PRKN: variants seen among roughly 807,000 people sequenced by gnomAD.
PRKN encodes the protein E3 ubiquitin-protein ligase parkin.
In PRKN, 56 loss-of-function variants were observed where a neutral mutation model predicts 59.5. That is an observed-to-expected ratio of 0.94 (90% CI 0.76 to 1.18). PRKN has a LOEUF of 1.18. PRKN is among the 50% of genes most tolerant of loss of function. PRKN has a pLI of 0.00. For synonymous variants in PRKN, 250 were observed against 222.1 expected, an observed-to-expected ratio of 1.13 and a Z score of -1.12; for missense variants, 657 against 596.4, an observed-to-expected ratio of 1.10 and a Z score of -1.06.
In PRKN at chr6:161,356,826, C is replaced by T. The variant is rs1025473927; in HGVS notation, c.1285+3262G>A. Reference sequence around the variant, plus strand: ...ATCAGTGGAGACACTAAGGAAGCAGCTGGCTATTGGAGTCGGACCGAGGGG... The same window carrying T: ...ATCAGTGGAGACACTAAGGAAGCAGTTGGCTATTGGAGTCGGACCGAGGGG... On this transcript the variant is annotated intron_variant, in intron 11 of 11. Coordinates refer to ENST00000366898, the MANE Select transcript of PRKN (RefSeq NM_004562.3). The surrounding 1 kb of genome is among the most constrained non-coding windows in gnomAD (Gnocchi z 7.8). Among the ~76,000 whole-genome samples, 1 of 152,062 alleles carries T rather than the reference C, an allele frequency of 6.6e-6. No individual in the cohort carries two copies. The highest frequency in any genetic ancestry group is 6.6e-5 in the Admixed American group (1 of 15,260).
chr6:162,086,272 A>C (rs1779243513), intron 4 of PRKN, among the ~76,000 whole-genome samples: 2 of 152,180 alleles, frequency 1.3e-5, no homozygotes. Context: ...CTCAAAACTT[A>C]GAGTCTCTGA....
intron 1 of PRKN, among the ~76,000 whole-genome samples, chr6:162,611,929 T>G (rs574002985): frequency 1.4e-3 from 212 of 152,138 alleles, no homozygotes; most frequent in Non-Finnish European, 2.8e-3. Context: ...CTCACGCCTG[T>G]AATCCCAGCA....
At chr6:162,337,032 T>C (rs1783876280) in intron 2 of PRKN, among the ~76,000 whole-genome samples, 1 of 152,220 alleles carries the variant, frequency 6.6e-6, no homozygotes, top group Admixed American at 6.5e-5. Context: ...TTTCAGTGAT[T>C]ATTTCTAAAG....
At position 161,371,474 on chromosome 6, in the gene PRKN, A is replaced by AC. The variant is rs146155919; in HGVS notation, c.1168-11270_1168-11269insG. ...GCCACTGCGCCCGGCCTATTTTGTT[A>AC]TTTTTTTTAAGAGAAATCATCAGAG... On this transcript the variant is annotated intron_variant, in intron 10 of 11. Transcript: ENST00000366898. This position sits in a 1 kb window ranked among gnomAD's most constrained non-coding sequence, Gnocchi z 5.5. 2.9e-5 allele frequency among the ~76,000 whole-genome samples: 4 copies of AC among 137,534 alleles called. No individual in the cohort carries two copies. The East Asian group carries it at 8.0e-4, about 28-fold the overall frequency. The allele number at this position is 137,534 out of a possible 152,430, so 90.2% of individuals were successfully genotyped here.
At chr6:162,477,853 A>G (rs1482908445) in intron 1 of PRKN, among the ~76,000 whole-genome samples, 2 of 151,938 alleles carry the variant, frequency 1.3e-5, no homozygotes, top group East Asian at 3.9e-4. Context: ...TTCAAATTAT[A>G]CCCGTCTTAC....
intron 1 of PRKN, among the ~76,000 whole-genome samples, chr6:162,529,779 G>T (rs756322916): frequency 1.1e-4 from 17 of 152,164 alleles, no homozygotes; most frequent in Non-Finnish European, 2.2e-4. Flanking sequence ...TAAGGGCAGG[G>T]TTTATGGTCA....
At chr6:162,554,636 G>C (rs77550103) in intron 1 of PRKN, among the ~76,000 whole-genome samples, 3 of 152,072 alleles carry the variant, frequency 2.0e-5, no homozygotes, top group Non-Finnish European at 2.9e-5. Context: ...AACACGGGGT[G>C]GGGGGAGCAC....
Position 161,498,131 on chromosome 6 carries a change from A to G in PRKN, c.1083+50723T>C, listed in dbSNP as rs1188681002. On this transcript the variant is annotated intron_variant, in intron 9 of 11. Transcript: ENST00000366898. This position sits in a 1 kb window ranked among gnomAD's most constrained non-coding sequence, Gnocchi z 4.2. ...TAGATTGGTTAAATTCACATGTGGG[A>G]AAAAAGACAAATTATTGTTAATCAA... 1.3e-5 allele frequency among the ~76,000 whole-genome samples: 2 copies of G among 152,272 alleles called. No homozygotes were observed. The highest frequency in any genetic ancestry group is 2.4e-5 in the African/African-American group (1 of 41,542).
At chr6:161,366,209 T>C (rs1193409638) in intron 10 of PRKN, among the ~76,000 whole-genome samples, 2 of 152,106 alleles carry the variant, frequency 1.3e-5, no homozygotes, top group East Asian at 3.9e-4. Flanking sequence ...ATGCCAGCAG[T>C]TTGCAGGAAG....
intron 6 of PRKN, among the ~76,000 whole-genome samples, chr6:161,938,751 C>A (rs1334804592): frequency 1.3e-4 from 20 of 152,108 alleles, no homozygotes; most frequent in Admixed American, 1.3e-3. Flanking sequence ...AAAATTAATG[C>A]AAATTATTTG....
At chr6:161,878,029 G>A (rs1178124231) in intron 6 of PRKN, among the ~76,000 whole-genome samples, 1 of 152,056 alleles carries the variant, frequency 6.6e-6, no homozygotes, top group African/African-American at 2.4e-5. Flanking sequence ...TTGAAGGGTG[G>A]GTCAGCCTCT....
At chr6:161,580,407 C>T (rs78740408) in intron 7 of PRKN, among the ~76,000 whole-genome samples, 2,339 of 152,248 alleles carry the variant, frequency 0.015, 30 homozygotes, top group Non-Finnish European at 0.024. Context: ...TAAGCAATTC[C>T]AGACAGTTAA....
chr6:161,961,578 T>C (rs1316656426), intron 6 of PRKN, among the ~76,000 whole-genome samples: 1 of 152,052 alleles, frequency 6.6e-6, no homozygotes, highest in Non-Finnish European at 1.5e-5. Flanking sequence ...GAACAAGAGG[T>C]GTTCACACCT....
At chr6:161,849,843 G>T (rs1446721977) in intron 6 of PRKN, among the ~76,000 whole-genome samples, 2 of 152,166 alleles carry the variant, frequency 1.3e-5, no homozygotes, top group African/African-American at 4.8e-5. Context: ...GATGTGCTTG[G>T]AACAGTCCAG....
At chr6:162,338,342 C>G (rs894615498) in intron 2 of PRKN, among the ~76,000 whole-genome samples, 1 of 152,044 alleles carries the variant, frequency 6.6e-6, no homozygotes, top group Non-Finnish European at 1.5e-5. Flanking sequence ...GCTGCCATCT[C>G]GGCTCACTGC....
intron 6 of PRKN, among the ~76,000 whole-genome samples, chr6:161,820,013 T>C (rs1791953816): frequency 6.6e-6 from 1 of 152,118 alleles, no homozygotes; most frequent in Non-Finnish European, 1.5e-5. Flanking sequence ...AAAGAGCTCT[T>C]ACAATTTAGT....
At position 161,499,239 on chromosome 6, in the gene PRKN, G is replaced by T. The variant is rs1034343089; in HGVS notation, c.1083+49615C>A. Among the ~76,000 whole-genome samples the T allele has an allele frequency of 1.3e-5, 2 of 151,684 alleles. No individual in the cohort carries two copies. The highest frequency in any genetic ancestry group is 2.9e-5 in the Non-Finnish European group (2 of 68,006). ...TGCATCCTAAACTTCCCTTGCTAAA[G>T]TGAAGAATGAGGACACCCTGGGCCT... On this transcript the variant is annotated intron_variant, in intron 9 of 11. Transcript: ENST00000366898. This position sits in a 1 kb window ranked among gnomAD's most constrained non-coding sequence, Gnocchi z 4.2.
At chr6:161,901,321 A>G (rs1777908731) in intron 6 of PRKN, among the ~76,000 whole-genome samples, 1 of 152,162 alleles carries the variant, frequency 6.6e-6, no homozygotes, top group Non-Finnish European at 1.5e-5. Context: ...GAGTGCGAGG[A>G]AAAGCATGTC....
Position 161,376,836 on chromosome 6 carries a change from C to T in PRKN, c.1167+9958G>A, listed in dbSNP as rs1463258827. 1.3e-5 allele frequency among the ~76,000 whole-genome samples: 2 copies of T among 152,206 alleles called. No homozygotes were observed. The highest frequency in any genetic ancestry group is 4.8e-5 in the African/African-American group (2 of 41,464). ...AGCACCCCAAGACACTCCCTGCCTG[C>T]AAGTCTCAGAGCCTGTTCTCCTGGG... On this transcript the variant is annotated intron_variant, in intron 10 of 11. Coordinates refer to ENST00000366898, the MANE Select transcript of PRKN (RefSeq NM_004562.3). This position sits in a 1 kb window ranked among gnomAD's most constrained non-coding sequence, Gnocchi z 7.3.
Sources: gnomAD v4.1 joint callset for allele counts (sites outside exome capture counted in the v4.1 genomes callset) on GRCh38, gnomAD v4.1.1 for gene constraint, Gnocchi (gnomAD v3.1) non-coding constraint, MANE v1.5 for transcripts, NCBI Gene and HGNC (gene_info 2026-07-23, HGNC 2026-07-21) for gene names.